The following CLGN variants were observed in gnomAD, a reference collection of about 807,000 sequenced individuals.
CLGN encodes testis tissue sperm-binding protein Li 79P.
In CLGN, 62 loss-of-function variants were observed where a neutral mutation model predicts 79.1. The ratio of observed to expected loss-of-function variants is 0.78; its 90% CI spans 0.64 to 0.97. The LOEUF (loss-of-function observed/expected upper bound fraction) is 0.97, where lower values mean the gene tolerates loss of function less well. Ranked by LOEUF, CLGN falls within the 50% of genes least tolerant of loss-of-function variation. The probability of loss-of-function intolerance (pLI) is 0.00; values close to 1 mark genes in which losing one functional copy is unlikely to be tolerated. For synonymous variants in CLGN, 225 were observed against 224.7 expected (o/e 1.00, Z -0.01); for missense variants, 647 against 715.5 (o/e 0.90, Z 1.09).
At chr4:140,394,225 G>A (rs922474980) in intron 10 of CLGN, among the ~76,000 whole-genome samples, 184 bp from the exon 11 acceptor site, 7 of 152,152 alleles carry the variant, frequency 4.6e-5, no homozygotes, top group Non-Finnish European at 1.0e-4. Flanking sequence ...TGTACACAAT[G>A]TTCCCTACGA....
chr4:140,420,689 T>C (rs1451894385), intron 1 of CLGN, among the ~76,000 whole-genome samples: 1 of 152,146 alleles, frequency 6.6e-6, no homozygotes, highest in Admixed American at 6.5e-5. Context: ...TGTCTCACAA[T>C]GGTGCCAACA....
At chr4:140,408,058 T>C (rs1729141313) in intron 4 of CLGN, among the ~76,000 whole-genome samples, 2 of 151,854 alleles carry the variant, frequency 1.3e-5, no homozygotes, top group African/African-American at 2.4e-5. Flanking sequence ...TGACCAAGCA[T>C]ACAAAAATAT....
At chr4:140,424,658 T>A (rs936169497) in intron 1 of CLGN, among the ~76,000 whole-genome samples, 9 of 152,178 alleles carry the variant, frequency 5.9e-5, no homozygotes, top group Non-Finnish European at 1.2e-4. Flanking sequence ...TCCCTCCTTA[T>A]AAATTAAAAG....
chr4:140,389,062 C>CT lies in CLGN; in HGVS notation c.*161dup. 1.7e-6 allele frequency: 1 copy of CT among 601,408 alleles called. No individual in the cohort carries two copies. Among genetic ancestry groups the CT allele is most frequent in the Non-Finnish European group, 2.9e-6 (1 of 346,598 alleles). 37.3% of individuals were successfully genotyped at this position (601,408 alleles called of 1,614,324 possible). A position where few individuals can be genotyped will look rare whatever the true frequency, so the allele number is the denominator to read the frequency against. On this transcript the variant is annotated 3_prime_UTR_variant, in exon 15 of 15. Coordinates refer to ENST00000325617, the MANE Select transcript of CLGN (RefSeq NM_004362.3). ...AGATGAGGTAACTTCAAAGTTGCTT[C>CT]TTTTTCCTCTGAAATGAAGGACTAA...
intron 3 of CLGN, 145 bp downstream of exon 3, chr4:140,410,408 T>C: frequency 1.6e-6 from 1 of 616,072 alleles, no homozygotes; most frequent in East Asian, 2.8e-5. Flanking sequence ...TACAAAAATA[T>C]ACTAAGTACT....
intron 3 of CLGN, 47 bp downstream of exon 3, chr4:140,410,506 A>G (rs1468235957): frequency 1.5e-6 from 2 of 1,372,586 alleles, no homozygotes; most frequent in Non-Finnish European, 2.1e-6. Context: ...AATAACTTCA[A>G]AAAAGCTAAT....
intron 4 of CLGN, among the ~76,000 whole-genome samples, chr4:140,408,931 A>G (rs561741002): frequency 3.3e-5 from 5 of 150,634 alleles, no homozygotes; most frequent in Admixed American, 2.0e-4. Flanking sequence ...ATATGTATAT[A>G]TATTTGTGTA....
In CLGN at chr4:140,396,223, T is replaced by A; in HGVS notation, c.885-18A>T. The A allele has an allele frequency of 6.5e-7, 1 of 1,548,310 alleles. No homozygotes were observed. Among genetic ancestry groups the A allele is most frequent in the South Asian group, 1.1e-5 (1 of 89,390 alleles). On this transcript the variant is annotated intron_variant, in intron 8 of 14. Coordinates refer to ENST00000325617, the MANE Select transcript of CLGN (RefSeq NM_004362.3). The stretch of plus-strand genomic sequence containing the variant: ...TTTCATCCCTGTAAATACAACGTTT[T>A]ATATTACTAATTATTCAGAAAGTTT...
At chr4:140,397,688 G>A (rs890269625) in intron 8 of CLGN, among the ~76,000 whole-genome samples, 2 of 151,916 alleles carry the variant, frequency 1.3e-5, no homozygotes, top group African/African-American at 2.4e-5. Flanking sequence ...GGAGGATCAC[G>A]AGATCGGGAG....
intron 8 of CLGN, among the ~76,000 whole-genome samples, chr4:140,398,373 A>G (rs999055364): frequency 6.7e-6 from 1 of 148,404 alleles, no homozygotes; most frequent in African/African-American, 2.5e-5. Flanking sequence ...GGGTTCAAGC[A>G]ATTCTCCTGC....
At position 140,392,274 on chromosome 4, in the gene CLGN, T is replaced by C. The variant is rs1728787735; in HGVS notation, c.1596A>G (p.Lys532=). 6.2e-7 allele frequency: 1 copy of C among 1,613,394 alleles called. No homozygotes were observed. The highest frequency in any genetic ancestry group is 8.5e-7 in the Non-Finnish European group (1 of 1,179,588). Residue 532 remains lysine, a synonymous_variant, in exon 13 of 15, where the codon AAA becomes AAG. Coordinates refer to ENST00000325617, the MANE Select transcript of CLGN (RefSeq NM_004362.3). Reference sequence around the variant, plus strand: ...TTTTTTCCTCTTCCAGGTCCATTGGTTTTTCCAGGGCTGCTTTCTCTTCCT... The same window carrying C: ...TTTTTTCCTCTTCCAGGTCCATTGGCTTTTCCAGGGCTGCTTTCTCTTCCT... The part of the protein sequence containing the change: ...EEKEEKAALE[K]PMDLEEEKKQ...
chr4:140,390,405 G>A (rs554990698), intron 14 of CLGN, among the ~76,000 whole-genome samples: 145 of 151,584 alleles, frequency 9.6e-4, no homozygotes, highest in Middle Eastern at 3.4e-3. Flanking sequence ...TATTTTGTAC[G>A]CCACAGGCTT....
At chr4:140,409,005 G>A (rs1038307529) in intron 4 of CLGN, among the ~76,000 whole-genome samples, 2 of 151,716 alleles carry the variant, frequency 1.3e-5, no homozygotes, top group African/African-American at 4.8e-5. Context: ...ACCATGCAAA[G>A]GAAGACATGC....
chr4:140,420,119 A>C (rs1729435283), intron 1 of CLGN, among the ~76,000 whole-genome samples: 1 of 152,082 alleles, frequency 6.6e-6, no homozygotes, highest in Non-Finnish European at 1.5e-5. Context: ...CCAAACAATT[A>C]ATTTGTTGAA....
intron 11 of CLGN, among the ~76,000 whole-genome samples, chr4:140,393,609 T>C (rs576489541): frequency 6.6e-6 from 1 of 152,260 alleles, no homozygotes; most frequent in East Asian, 1.9e-4. Flanking sequence ...ATTTAATGAA[T>C]AAAATGAGGA....
At chr4:140,410,727 G>C in intron 2 of CLGN, 101 bp from the exon 3 acceptor site, 1 of 704,350 alleles carries the variant, frequency 1.4e-6, no homozygotes, top group Non-Finnish European at 2.4e-6. Flanking sequence ...GCACATACAG[G>C]TAATACAGAT....
intron 1 of CLGN, among the ~76,000 whole-genome samples, chr4:140,426,950 C>A (rs541579176): frequency 6.6e-6 from 1 of 152,344 alleles, no homozygotes; most frequent in Non-Finnish European, 1.5e-5. Context: ...GGCCAACAGT[C>A]CCTGGCCCCA....
intron 3 of CLGN, 64 bp downstream of exon 3, chr4:140,410,489 A>G (rs1729189280): frequency 8.3e-7 from 1 of 1,200,654 alleles, no homozygotes; most frequent in African/African-American, 1.5e-5. Flanking sequence ...TTCATAGGCC[A>G]AAACCTAATA....
chr4:140,391,792 A>G (rs757523371), intron 13 of CLGN, among the ~76,000 whole-genome samples: 6 of 151,946 alleles, frequency 3.9e-5, no homozygotes, highest in African/African-American at 7.2e-5. Flanking sequence ...TATGATAAGC[A>G]TCTGACTAAC....
Sources: allele counts gnomAD v4.1 joint callset (sites outside exome capture counted in the v4.1 genomes callset), GRCh38; gene constraint gnomAD v4.1.1; transcripts MANE v1.5; gene names NCBI Gene and HGNC (gene_info 2026-07-23, HGNC 2026-07-21).